The following CENPI variants were observed in gnomAD, a reference collection of about 807,000 sequenced individuals.
The protein encoded by CENPI is centromere protein I, also known as FSH primary response 1.
In CENPI, 4 loss-of-function variants were observed where a neutral mutation model predicts 60.4. The observed-to-expected ratio is 0.07, with a 90% CI of 0.03 to 0.15. The LOEUF is 0.15. Among genes scored for constraint, CENPI ranks in the 10% least tolerant of loss-of-function variants. The pLI is 1.00. For missense variants in CENPI, 444 were observed against 534.5 expected, an observed-to-expected ratio of 0.83 and a Z score of 1.67; for synonymous variants, 157 against 189.4, an observed-to-expected ratio of 0.83 and a Z score of 1.40.
At chrX:101,136,849 A>G (rs1201225193) in intron 15 of CENPI, among the ~76,000 whole-genome samples, 1 of 112,340 alleles carries the variant, frequency 8.9e-6, no homozygotes, top group Non-Finnish European at 1.9e-5. Flanking sequence ...CATAGTCGAC[A>G]TAATGTTGTT....
chrX:101,147,913 A>G, intron 19 of CENPI, 30 bp from the exon 20 acceptor site: 1 of 1,177,678 alleles, frequency 8.5e-7, no homozygotes. Context: ...AATAGGTGAT[A>G]GTGACAATTT....
intron 4 of CENPI, among the ~76,000 whole-genome samples, chrX:101,108,836 G>A (rs2148143554): frequency 9.2e-6 from 1 of 108,788 alleles, no homozygotes; most frequent in Admixed American, 1.0e-4. Flanking sequence ...AGTAGATAAC[G>A]GGGTTTTGTC....
chrX:101,123,609 C>A (rs770595062), intron 8 of CENPI, among the ~76,000 whole-genome samples: 1 of 110,095 alleles, frequency 9.1e-6, no homozygotes, highest in Admixed American at 9.8e-5. Context: ...TTTTTAGAGA[C>A]GGGGGTCTCA....
intron 20 of CENPI, among the ~76,000 whole-genome samples, chrX:101,155,414 T>C (rs949396117): frequency 2.7e-5 from 3 of 111,562 alleles, no homozygotes; most frequent in African/African-American, 9.8e-5. Flanking sequence ...GGTCTCAAAC[T>C]CCTGACCTCA....
chrX:101,100,310 A>C (rs1456935060), intron 2 of CENPI: 2 of 111,991 alleles, frequency 1.8e-5, no homozygotes, highest in Non-Finnish European at 3.8e-5. Flanking sequence ...TGCAGCTTTA[A>C]CTTAGCACTG....
At chrX:101,126,688 G>T (rs1022534367) in intron 8 of CENPI, 21 bp from the exon 9 acceptor site, 5 of 1,161,565 alleles carry the variant, frequency 4.3e-6, no homozygotes, top group Non-Finnish European at 4.7e-6. Context: ...AATTGAAAAT[G>T]GAAAACTTAT....
intron 3 of CENPI, among the ~76,000 whole-genome samples, chrX:101,101,918 T>A (rs1351459793): frequency 8.9e-6 from 1 of 112,994 alleles, no homozygotes; most frequent in African/African-American, 3.2e-5. Flanking sequence ...TCTTGCTCTG[T>A]TGCCCAGGCT....
intron 20 of CENPI, among the ~76,000 whole-genome samples, chrX:101,160,375 C>CTTTTTTT (rs763855508): frequency 6.1e-5 from 5 of 81,421 alleles, no homozygotes; most frequent in Non-Finnish European, 9.4e-5. Context: ...GCTTTTAGTT[C>CTTTTTTT]TTTTTTTTTT....
At chrX:101,118,144 G>C in intron 6 of CENPI, among the ~76,000 whole-genome samples, 1 of 111,999 alleles carries the variant, frequency 8.9e-6, no homozygotes. Context: ...ACGGAATTTT[G>C]GGGAAGGTAC....
At chrX:101,144,354 A>T (rs2089944375) in intron 16 of CENPI, among the ~76,000 whole-genome samples, 1 of 105,988 alleles carries the variant, frequency 9.4e-6, no homozygotes, top group Non-Finnish European at 1.9e-5. Context: ...AAGTGCTGGG[A>T]TTACAGGTGT....
chrX:101,148,727 A>G (rs927361991), intron 20 of CENPI, among the ~76,000 whole-genome samples: 1 of 111,832 alleles, frequency 8.9e-6, no homozygotes, highest in Non-Finnish European at 1.9e-5. Context: ...GAAGAACTCA[A>G]ATGGTGGTAT....
chrX:101,159,786 C>T (rs1364007414), intron 20 of CENPI, among the ~76,000 whole-genome samples: 1 of 111,889 alleles, frequency 8.9e-6, no homozygotes, highest in African/African-American at 3.2e-5. Flanking sequence ...TTGACTTGAG[C>T]AGTTGGGTTG....
chrX:101,135,736 T>C, intron 15 of CENPI, among the ~76,000 whole-genome samples: 1 of 111,922 alleles, frequency 8.9e-6, no homozygotes, highest in Non-Finnish European at 1.9e-5. Flanking sequence ...GTTTTTTTTT[T>C]CTTAGATGGA....
chrX:101,105,449 A>C (rs936306959), intron 4 of CENPI, among the ~76,000 whole-genome samples: 2 of 111,964 alleles, frequency 1.8e-5, no homozygotes, highest in Admixed American at 1.9e-4. Flanking sequence ...GCGTGAACCC[A>C]GGAGGCGGAG....
rs746648762 is a variant in CENPI at position 101,132,374 on chromosome X, C to CT, written c.1406-10dup. ...TATGATTGAAAGGATTTTGAATAATCTTTTTTTTGATTCCTAGAGGTGAAA... is the reference window on the plus strand; with the variant it reads ...TATGATTGAAAGGATTTTGAATAATCTTTTTTTTTGATTCCTAGAGGTGAAA... On this transcript the variant is annotated splice_polypyrimidine_tract_variant and intron_variant, in intron 14 of 21. Coordinates refer to ENST00000682095, the MANE Select transcript of CENPI (RefSeq NM_001386188.2). 1.7e-4 allele frequency: 202 copies of CT among 1,195,677 alleles called. No individual in the cohort carries two copies. Among genetic ancestry groups the CT allele is most frequent in the East Asian group, 1.1e-3 (37 of 33,642 alleles).
chrX:101,099,850 C>T (rs2089392970), intron 2 of CENPI: 1 of 100,599 alleles, frequency 9.9e-6, no homozygotes, highest in Non-Finnish European at 2.0e-5. Context: ...TGCAGTGGCG[C>T]AATCACGGCT....
the CENPI span, among the ~76,000 whole-genome samples, chrX:101,174,419 G>A: frequency 2.7e-5 from 3 of 111,834 alleles, no homozygotes; most frequent in Non-Finnish European, 5.6e-5. Context: ...ATCAACCTAG[G>A]TGCCCATCAG....
intron 8 of CENPI, among the ~76,000 whole-genome samples, chrX:101,124,663 C>T (rs997219590): frequency 2.7e-5 from 3 of 111,005 alleles, no homozygotes; most frequent in African/African-American, 9.8e-5. Flanking sequence ...GCGGTTTCCC[C>T]CATGCTATTC....
At chrX:101,150,923 T>TTGTGTG (rs1328600161) in intron 20 of CENPI, among the ~76,000 whole-genome samples, 4 of 108,882 alleles carry the variant, frequency 3.7e-5, no homozygotes, top group South Asian at 7.7e-4. Context: ...TTGCCTGCTT[T>TTGTGTG]TGTGTGTGTG....
Sources: gnomAD v4.1 joint callset for allele counts (sites outside exome capture counted in the v4.1 genomes callset) on GRCh38, gnomAD v4.1.1 for gene constraint, MANE v1.5 for transcripts, NCBI Gene and HGNC (gene_info 2026-07-23, HGNC 2026-07-21) for gene names.